Variants in WASHC4 observed in about 807,000 individuals in gnomAD.
WASHC4 encodes WASH complex subunit 7.
Under a neutral mutation model 166.6 loss-of-function variants are expected in WASHC4, and 86 were observed. The ratio of observed to expected loss-of-function variants is 0.52; its 90% CI spans 0.43 to 0.62. The LOEUF is 0.62. Among genes scored for constraint, WASHC4 ranks in the 20% least tolerant of loss-of-function variants. The probability of loss-of-function intolerance (pLI) is 0.00; values close to 1 mark genes in which losing one functional copy is unlikely to be tolerated. For missense variants in WASHC4, 1,262 were observed against 1,382.4 expected, an observed-to-expected ratio of 0.91 and a Z score of 1.38; for synonymous variants, 446 against 451.6, an observed-to-expected ratio of 0.99 and a Z score of 0.16.
chr12:105,127,596 T>A (rs533811360), intron 13 of WASHC4, among the ~76,000 whole-genome samples: 2 of 152,222 alleles, frequency 1.3e-5, no homozygotes, highest in African/African-American at 2.4e-5. Flanking sequence ...GCAGTAGATA[T>A]CATTTGATGA....
At chr12:105,120,677 G>C in intron 8 of WASHC4, 80 bp downstream of exon 8, 1 of 970,366 alleles carries the variant, frequency 1.0e-6, no homozygotes, top group Non-Finnish European at 1.7e-6. Context: ...TGGAGAGTAT[G>C]ACAGTCATAG....
intron 10 of WASHC4, among the ~76,000 whole-genome samples, chr12:105,125,224 T>C (rs1881172944): frequency 6.6e-6 from 1 of 152,216 alleles, no homozygotes; most frequent in African/African-American, 2.4e-5. Context: ...ACGGGTCCAC[T>C]TATATACAGA....
chr12:105,144,901 A>G (rs1566019241), intron 22 of WASHC4, 29 bp downstream of exon 22: 2 of 1,605,138 alleles, frequency 1.2e-6, no homozygotes, highest in East Asian at 2.2e-5. Context: ...TTTTTAGCAT[A>G]CTGTGACTGT....
intron 15 of WASHC4, among the ~76,000 whole-genome samples, chr12:105,139,968 C>G (rs886263875): frequency 2.0e-5 from 3 of 151,600 alleles, no homozygotes; most frequent in Non-Finnish European, 4.4e-5. Context: ...ACCTCAACCT[C>G]CGCCTCCCAG....
At chr12:105,143,786 C>T (rs1289706100) in intron 20 of WASHC4, among the ~76,000 whole-genome samples, 2 of 151,880 alleles carry the variant, frequency 1.3e-5, no homozygotes. Context: ...GGAAATTTCA[C>T]AATATAATCC....
At chr12:105,159,622 T>A (rs1023641165) in intron 28 of WASHC4, among the ~76,000 whole-genome samples, 7 of 29,966 alleles carry the variant, frequency 2.3e-4, no homozygotes, top group Admixed American at 4.7e-4. Flanking sequence ...AGAGGGAAAC[T>A]GAGTTCTTGA....
At chr12:105,139,473 A>C (rs936135942) in intron 15 of WASHC4, among the ~76,000 whole-genome samples, 1 of 127,626 alleles carries the variant, frequency 7.8e-6, no homozygotes. Flanking sequence ...CCCACAATAC[A>C]TTAGAAAATT....
At chr12:105,127,997 A>G (rs1312503903) in intron 13 of WASHC4, among the ~76,000 whole-genome samples, 1 of 152,226 alleles carries the variant, frequency 6.6e-6, no homozygotes, top group Non-Finnish European at 1.5e-5. Context: ...CATGGCTAAA[A>G]TCACGTTAAC....
rs774094148 is a variant in WASHC4 at position 105,133,850 on chromosome 12, A to T, written c.1280A>T (p.Asp427Val). 1.4e-5 allele frequency: 23 copies of T among 1,611,850 alleles called. No individual in the cohort carries two copies. The highest frequency in any genetic ancestry group is 1.9e-5 in the Non-Finnish European group (22 of 1,178,380). ...ESILSKEQRM[D>V]KFAEDLTNRC... The stretch of plus-strand genomic sequence containing the variant: ...ATTTTGTCTAAAGAGCAGAGAATGG[A>T]TAAATTTGCTGAAGATCTCACCAAT... Residue 427 changes from aspartate (D) to valine (V), a missense_variant, in exon 14 of 33, where the codon GAT becomes GTT. Physicochemically the swap from Asp to Val is radical, Grantham distance 152. Transcript: ENST00000332180.
At chr12:105,134,112 T>C (rs1479263353) in intron 14 of WASHC4, among the ~76,000 whole-genome samples, 1 of 152,110 alleles carries the variant, frequency 6.6e-6, no homozygotes, top group Non-Finnish European at 1.5e-5. Context: ...AGCTGTATCG[T>C]AGAAGTTTTG....
intron 24 of WASHC4, chr12:105,149,071 A>G: frequency 4.1e-6 from 4 of 983,752 alleles, no homozygotes; most frequent in Non-Finnish European, 4.8e-6. Flanking sequence ...TCTAGAATAT[A>G]AACTTCGTGA....
rs1884669041 is a variant in WASHC4, at chr12:105,164,221, C to G, written c.3268C>G (p.Gln1090Glu). Residue 1090 changes from glutamine to glutamate, a missense_variant, in exon 31 of 33, where the codon CAA becomes GAA. Coordinates refer to ENST00000332180, the MANE Select transcript of WASHC4 (RefSeq NM_015275.3). The part of the protein sequence containing the change: ...YLKEIRAVAK[Q>E]QNVQSASQDE... ...GAAGGAGATAAGAGCAGTTGCTAAG[C>G]AACAGAATGTACAGTCAGCCAGTCA... 6.2e-7 allele frequency: 1 copy of G among 1,613,862 alleles called. No homozygotes were observed. Among genetic ancestry groups the G allele is most frequent in the African/African-American group, 1.3e-5 (1 of 74,912 alleles).
At chr12:105,139,442 TATATA>T (rs1456315856) in intron 15 of WASHC4, among the ~76,000 whole-genome samples, 1 of 144,874 alleles carries the variant, frequency 6.9e-6, no homozygotes, top group Non-Finnish European at 1.5e-5. Context: ...TATATATATA[TATATA>T]TATATATATA....
chr12:105,137,988 T>G lies in WASHC4; in HGVS notation c.1429T>G (p.Cys477Gly). Residue 477 changes from cysteine (C) to glycine (G), a missense_variant, in exon 15 of 33, where the codon TGC becomes GGC. Coordinates refer to ENST00000332180, the MANE Select transcript of WASHC4 (RefSeq NM_015275.3). Reference sequence around the variant, plus strand: ...GACCAAAACCTCAGTTAAGGCATTGTGCAGGCTTGTTGAACTTCTCAAGGT... The same window carrying G: ...GACCAAAACCTCAGTTAAGGCATTGGGCAGGCTTGTTGAACTTCTCAAGGT... ...PMTKTSVKAL[C>G]RLVELLKAIE... The G allele has an allele frequency of 6.2e-7, 1 of 1,613,050 alleles. No homozygotes were observed. The highest frequency in any genetic ancestry group is 8.5e-7 in the Non-Finnish European group (1 of 1,179,270).
At chr12:105,162,957 TTTTTC>T in intron 30 of WASHC4, 112 bp downstream of exon 30, 2 of 641,546 alleles carry the variant, frequency 3.1e-6, no homozygotes, top group Non-Finnish European at 5.3e-6. Context: ...TTTTCTTTCT[TTTTTC>T]TTTTTTATTT....
At chr12:105,139,302 C>A (rs2135786422) in intron 15 of WASHC4, among the ~76,000 whole-genome samples, 1 of 151,260 alleles carries the variant, frequency 6.6e-6, no homozygotes, top group South Asian at 2.1e-4. Flanking sequence ...TGTACTTGTG[C>A]AGGAGTTTTT....
chr12:105,126,365 A>G lies in WASHC4; in HGVS notation c.1038+3A>G, dbSNP rs201640219. 3.2e-6 allele frequency: 5 copies of G among 1,557,962 alleles called. No homozygotes were observed. In the Admixed American group the frequency reaches 8.4e-5, roughly 26 times the overall value. On this transcript the variant is annotated splice_donor_region_variant and intron_variant, in intron 12 of 32. Coordinates refer to ENST00000332180, the MANE Select transcript of WASHC4 (RefSeq NM_015275.3). Reference sequence around the variant, plus strand: ...CTTTATTGGACATTTGTAAGAAGGTAAGAACTTGAAACTTATTTTTCAATT... The same window carrying G: ...CTTTATTGGACATTTGTAAGAAGGTGAGAACTTGAAACTTATTTTTCAATT...
intron 15 of WASHC4, 23 bp from the exon 16 acceptor site, chr12:105,140,269 GAA>G (rs1247013165): frequency 6.4e-7 from 1 of 1,556,676 alleles, no homozygotes; most frequent in Non-Finnish European, 8.9e-7. Context: ...TTGATTGTCA[GAA>G]AATTATTTCT....
chr12:105,114,469 T>G, intron 4 of WASHC4, 42 bp downstream of exon 4: 1 of 1,201,462 alleles, frequency 8.3e-7, no homozygotes, highest in Non-Finnish European at 1.2e-6. Flanking sequence ...AAAAACATCA[T>G]TTAGAAGCAA....
Sources: allele counts gnomAD v4.1 joint callset (sites outside exome capture counted in the v4.1 genomes callset), GRCh38; gene constraint gnomAD v4.1.1; transcripts MANE v1.5; gene names NCBI Gene and HGNC (gene_info 2026-07-23, HGNC 2026-07-21).